THOC5: variants seen among roughly 807,000 people sequenced by gnomAD.
The protein encoded by THOC5 is Fms-interacting protein.
Under a neutral mutation model 92.9 loss-of-function variants are expected in THOC5, and 43 were observed. The observed-to-expected ratio is 0.46, with a 90% CI of 0.36 to 0.60. The LOEUF is 0.60. Ranked by LOEUF, THOC5 falls within the 20% of genes least tolerant of loss-of-function variation. THOC5 has a pLI of 0.00. For synonymous variants in THOC5, 296 were observed against 320.1 expected (o/e 0.92, Z 0.80); for missense variants, 659 against 849.4 (o/e 0.78, Z 2.79).
chr22:29,528,425 C>A lies in THOC5; in HGVS notation c.966+1G>T, dbSNP rs777689516. Reference sequence around the variant, plus strand: ...CCCCCACAAGAGGAAATGGTTCTCACCGTAGTCTGCTCCTCCTCGGCATCT... The same window carrying A: ...CCCCCACAAGAGGAAATGGTTCTCAACGTAGTCTGCTCCTCCTCGGCATCT... On this transcript the variant is annotated splice_donor_variant, in intron 10 of 19. Coordinates refer to ENST00000490103, the MANE Select transcript of THOC5 (RefSeq NM_003678.5). LOFTEE classifies it high-confidence loss of function. 1.9e-6 allele frequency: 3 copies of A among 1,613,734 alleles called. No individual in the cohort carries two copies. The highest frequency in any genetic ancestry group is 1.3e-5 in the African/African-American group (1 of 74,918).
chr22:29,517,971 G>T (rs1240474873), intron 15 of THOC5, among the ~76,000 whole-genome samples: 1 of 152,170 alleles, frequency 6.6e-6, no homozygotes, highest in Non-Finnish European at 1.5e-5. Flanking sequence ...AAGAACTGGT[G>T]GGGAGTGGTC....
chr22:29,550,899 A>C (rs2064128838), intron 1 of THOC5: 1 of 152,176 alleles, frequency 6.6e-6, no homozygotes, highest in Admixed American at 6.5e-5. Context: ...TGATTGCTTC[A>C]AGGAGAACAT....
At chr22:29,537,832 A>G (rs1202830736) in intron 6 of THOC5, among the ~76,000 whole-genome samples, 1 of 151,910 alleles carries the variant, frequency 6.6e-6, no homozygotes, top group Non-Finnish European at 1.5e-5. Flanking sequence ...TGGAGGTTGC[A>G]GCAAGCCGAG....
intron 7 of THOC5, chr22:29,536,337 G>A (rs2063759388): frequency 3.3e-6 from 1 of 303,726 alleles, no homozygotes; most frequent in Non-Finnish European, 6.1e-6. Flanking sequence ...GCCGGTGGGG[G>A]CCATGCAGGG....
At chr22:29,542,782 G>T in intron 5 of THOC5, 77 bp downstream of exon 5, 1 of 960,488 alleles carries the variant, frequency 1.0e-6, no homozygotes, top group Non-Finnish European at 1.6e-6. Context: ...AAAAGAAACA[G>T]ACTTACAGTG....
At chr22:29,541,426 G>A (rs2063878433) in intron 5 of THOC5, among the ~76,000 whole-genome samples, 1 of 146,514 alleles carries the variant, frequency 6.8e-6, no homozygotes, top group Non-Finnish European at 1.5e-5. Flanking sequence ...AGGATCATCT[G>A]AGCCAAGTCA....
intron 7 of THOC5, chr22:29,535,755 A>G (rs2063747186): frequency 6.6e-6 from 1 of 152,208 alleles, no homozygotes; most frequent in Non-Finnish European, 1.5e-5. Flanking sequence ...AAAACTTTTA[A>G]TTTCTGCTCT....
chr22:29,539,885 C>T (rs548842758), intron 5 of THOC5, among the ~76,000 whole-genome samples: 42 of 152,164 alleles, frequency 2.8e-4, no homozygotes, highest in African/African-American at 9.4e-4. Context: ...AGACATTAGC[C>T]GCGTAAGAAC....
Position 29,518,988 on chromosome 22 carries a change from GC to G in THOC5, c.1489+17del, listed in dbSNP as rs774481908. 8 of 1,503,558 alleles carry G rather than the reference GC, an allele frequency of 5.3e-6. No individual in the cohort carries two copies. In the African/African-American group the frequency reaches 9.7e-5, roughly 18 times the overall value. The allele number at this position is 1,503,558 out of a possible 1,614,324, so 93.1% of individuals were successfully genotyped here. ...TTGTCTGAGTGACTCTTAAACCACTGCCCCATCATCAGCTTACCTAGGGATG... is the reference window on the plus strand; with the variant it reads ...TTGTCTGAGTGACTCTTAAACCACTGCCCATCATCAGCTTACCTAGGGATG... On this transcript the variant is annotated intron_variant, in intron 15 of 19. Transcript: ENST00000490103.
rs1365312989 is a variant in THOC5 at position 29,512,087 on chromosome 22, T to C, written c.1731A>G (p.Pro577=). The change falls in exon 18 of 20, where the codon CCA becomes CCG. Residue 577 remains proline, a synonymous_variant. Transcript: ENST00000490103. ...VVLNPGYSSI[P]PVFQLCLNWK... ...AGTTCAAACAGAGCTGGAAAACAGG[T>C]GGGATGGAGGAGTAGCCAGGGTTCA... 2 of 1,613,834 alleles carry C rather than the reference T, an allele frequency of 1.2e-6. No homozygotes were observed. The highest frequency in any genetic ancestry group is 1.1e-5 in the South Asian group (1 of 91,052).
intron 6 of THOC5, among the ~76,000 whole-genome samples, chr22:29,537,294 C>T (rs1048153085): frequency 1.3e-5 from 2 of 152,212 alleles, no homozygotes; most frequent in Admixed American, 6.5e-5. Context: ...GTGGACTGGA[C>T]AGCGGAGTGA....
intron 8 of THOC5, among the ~76,000 whole-genome samples, chr22:29,530,343 ACT>A (rs1458049189): frequency 6.6e-6 from 1 of 151,660 alleles, no homozygotes; most frequent in Non-Finnish European, 1.5e-5. Flanking sequence ...ACATGGTGAA[ACT>A]CTGTCTCTAC....
At chr22:29,549,946 T>C (rs1008052083) in intron 1 of THOC5, among the ~76,000 whole-genome samples, 3 of 152,104 alleles carry the variant, frequency 2.0e-5, no homozygotes, top group Non-Finnish European at 4.4e-5. Context: ...TTTGGCTACT[T>C]TGGGTACACT....
intron 9 of THOC5, chr22:29,528,872 C>A (rs967626522): frequency 7.8e-6 from 4 of 515,528 alleles, no homozygotes; most frequent in Non-Finnish European, 1.4e-5. Context: ...ACATAACAAT[C>A]CTACATGAGG....
chr22:29,526,327 T>G (rs1400336601), intron 11 of THOC5, among the ~76,000 whole-genome samples: 1 of 151,892 alleles, frequency 6.6e-6, no homozygotes, highest in Non-Finnish European at 1.5e-5. Context: ...AGTCAGGAGA[T>G]CGAGACCATC....
Position 29,549,134 on chromosome 22 carries a change from G to A in THOC5, c.14C>T (p.Ser5Leu), listed in dbSNP as rs999138709. 29 of 1,613,960 alleles carry A rather than the reference G, an allele frequency of 1.8e-5. No homozygotes were observed. The highest frequency in any genetic ancestry group is 3.3e-4 in the Middle Eastern group (2 of 6,084). MSSE[S>L]SKKRKPKVIR... Reference sequence around the variant, plus strand: ...CACTTTGGGCTTCCGTTTTTTGCTCGATTCTGATGACATGGTTGTTCCTCC... The same window carrying A: ...CACTTTGGGCTTCCGTTTTTTGCTCAATTCTGATGACATGGTTGTTCCTCC... Residue 5 changes from serine to leucine, a missense_variant, in exon 2 of 20, where the codon TCG becomes TTG. Physicochemically the swap from Ser to Leu is moderately radical, Grantham distance 145. Transcript: ENST00000490103.
chr22:29,544,399 C>G, intron 3 of THOC5, 61 bp downstream of exon 3: 1 of 1,561,536 alleles, frequency 6.4e-7, no homozygotes, highest in East Asian at 2.3e-5. Context: ...CTGGTAGGTG[C>G]AAAAACAGCC....
chr22:29,526,481 G>A (rs1460342002), intron 11 of THOC5, among the ~76,000 whole-genome samples: 1 of 151,946 alleles, frequency 6.6e-6, no homozygotes, highest in Non-Finnish European at 1.5e-5. Context: ...GCAGTGAGCA[G>A]AGATCACGCC....
chr22:29,545,965 G>A (rs551041498), intron 2 of THOC5, among the ~76,000 whole-genome samples: 17 of 152,348 alleles, frequency 1.1e-4, no homozygotes, highest in Admixed American at 6.5e-4. Context: ...CCATGAGCGC[G>A]CCAGCAGCAA....
Sources: allele counts gnomAD v4.1 joint callset (sites outside exome capture counted in the v4.1 genomes callset), GRCh38; gene constraint gnomAD v4.1.1; transcripts MANE v1.5; gene names NCBI Gene and HGNC (gene_info 2026-07-23, HGNC 2026-07-21).